ADGRL2: variants seen among roughly 807,000 people sequenced by gnomAD.
The protein encoded by ADGRL2 is adhesion G protein-coupled receptor L2, also known as calcium-independent alpha-latrotoxin receptor 2.
A neutral mutation model predicts 157.4 loss-of-function variants in ADGRL2; 44 were observed. The ratio of observed to expected loss-of-function variants is 0.28; its 90% CI spans 0.22 to 0.36. ADGRL2 has a LOEUF of 0.36. Ranked by LOEUF, ADGRL2 falls within the 10% of genes least tolerant of loss-of-function variation. ADGRL2 has a pLI of 1.00. For missense variants in ADGRL2, 1,510 were observed against 1,768.9 expected (o/e 0.85, Z 2.63); for synonymous variants, 585 against 624.7 (o/e 0.94, Z 0.95).
intron 3 of ADGRL2, among the ~76,000 whole-genome samples, chr1:81,694,582 A>G (rs1482146170): frequency 6.6e-6 from 1 of 152,138 alleles, no homozygotes; most frequent in Non-Finnish European, 1.5e-5. Flanking sequence ...TAATTAAAAC[A>G]AAAGAAGAAA....
At chr1:81,762,002 C>T (rs1013422866) in intron 2 of ADGRL2, 4 of 152,112 alleles carry the variant, frequency 2.6e-5, no homozygotes, top group African/African-American at 9.6e-5. Context: ...TAAATGGATG[C>T]TGTATTCAAA....
intron 3 of ADGRL2, among the ~76,000 whole-genome samples, chr1:81,680,540 A>G (rs780908267): frequency 3.3e-5 from 5 of 152,074 alleles, no homozygotes; most frequent in Non-Finnish European, 5.9e-5. Context: ...TGATGATCTC[A>G]TCAGACCGAT....
chr1:81,841,895 T>C (rs1012150903), intron 2 of ADGRL2, among the ~76,000 whole-genome samples: 1 of 152,192 alleles, frequency 6.6e-6, no homozygotes, highest in Non-Finnish European at 1.5e-5. Context: ...AAGAGTGTGA[T>C]AAGTGCCATA....
At chr1:81,332,535 T>C (rs1240968093) in intron 1 of ADGRL2, among the ~76,000 whole-genome samples, 5 of 152,178 alleles carry the variant, frequency 3.3e-5, no homozygotes, top group Non-Finnish European at 7.4e-5. Context: ...AAACATTAAA[T>C]TCAAACCTCC....
chr1:81,928,332 A>T (rs185845953), intron 3 of ADGRL2, among the ~76,000 whole-genome samples: 1 of 152,108 alleles, frequency 6.6e-6, no homozygotes, highest in African/African-American at 2.4e-5. Flanking sequence ...AGAATCAGGT[A>T]CGGCTGATTG....
intron 3 of ADGRL2, among the ~76,000 whole-genome samples, chr1:81,932,475 C>T (rs2095247203): frequency 5.3e-5 from 8 of 152,140 alleles, no homozygotes; most frequent in South Asian, 2.1e-4. Context: ...TTCTGTTTCA[C>T]TTGTTTTACT....
intron 1 of ADGRL2, among the ~76,000 whole-genome samples, chr1:81,357,418 T>C (rs1243160457): frequency 2.0e-5 from 3 of 152,224 alleles, no homozygotes; most frequent in Non-Finnish European, 4.4e-5. Flanking sequence ...TGCTAAGCCC[T>C]CTATATCCAC....
chr1:81,632,585 C>T (rs959543134), intron 3 of ADGRL2, among the ~76,000 whole-genome samples: 7 of 151,998 alleles, frequency 4.6e-5, no homozygotes, highest in Admixed American at 2.0e-4. Flanking sequence ...GGTGAAACCC[C>T]GTCTCTACTG....
chr1:81,748,462 C>T (rs1197998885), intron 1 of ADGRL2, among the ~76,000 whole-genome samples: 10 of 109,628 alleles, frequency 9.1e-5, no homozygotes, highest in Non-Finnish European at 1.6e-4. Flanking sequence ...AGGGAGATTC[C>T]GTCTCAAAAA....
intron 2 of ADGRL2, among the ~76,000 whole-genome samples, chr1:81,478,256 G>T (rs2078313826): frequency 1.3e-5 from 2 of 152,188 alleles, no homozygotes; most frequent in African/African-American, 4.8e-5. Context: ...AAGAGATGCA[G>T]GAATCCATGC....
chr1:81,731,281 T>A (rs780493406), intron 1 of ADGRL2, among the ~76,000 whole-genome samples: 14 of 152,304 alleles, frequency 9.2e-5, no homozygotes, highest in African/African-American at 3.4e-4. Flanking sequence ...TTCATTAAAA[T>A]TTTTTTCCCA....
At chr1:81,869,350 A>G (rs2093632690) in intron 2 of ADGRL2, among the ~76,000 whole-genome samples, 1 of 152,096 alleles carries the variant, frequency 6.6e-6, no homozygotes, top group Non-Finnish European at 1.5e-5. Flanking sequence ...AAACACGCTT[A>G]AAAAAAGAGA....
chr1:81,671,548 C>T (rs917949253), intron 3 of ADGRL2, among the ~76,000 whole-genome samples: 16 of 151,454 alleles, frequency 1.1e-4, no homozygotes, highest in Non-Finnish European at 1.8e-4. Flanking sequence ...AGTTTTGCCC[C>T]GTCGCCCAGA....
At chr1:81,469,300 T>C (rs2078122063) in intron 2 of ADGRL2, among the ~76,000 whole-genome samples, 1 of 152,168 alleles carries the variant, frequency 6.6e-6, no homozygotes, top group African/African-American at 2.4e-5. Context: ...TCCTCTCCTA[T>C]ACATGGTTTT....
At chr1:81,430,046 G>A (rs550845999) in intron 1 of ADGRL2, among the ~76,000 whole-genome samples, 5 of 151,944 alleles carry the variant, frequency 3.3e-5, no homozygotes, top group African/African-American at 1.2e-4. Flanking sequence ...GGCATGCACC[G>A]CCACGCCTGG....
intron 3 of ADGRL2, among the ~76,000 whole-genome samples, chr1:81,636,945 C>T (rs756576987): frequency 4.6e-5 from 7 of 152,152 alleles, no homozygotes; most frequent in Non-Finnish European, 7.3e-5. Flanking sequence ...AAGCAATTCT[C>T]CTGCCTCAAC....
At chr1:81,524,881 G>A (rs911876151) in intron 2 of ADGRL2, among the ~76,000 whole-genome samples, 1 of 151,912 alleles carries the variant, frequency 6.6e-6, no homozygotes, top group Admixed American at 6.6e-5. Flanking sequence ...TTCTAGCCTG[G>A]GCGACAGTGA....
intron 1 of ADGRL2, among the ~76,000 whole-genome samples, chr1:81,803,593 GT>G (rs1416237031): frequency 6.6e-6 from 1 of 151,624 alleles, no homozygotes. Flanking sequence ...GATACAAACT[GT>G]TGTCTCAGAT....
chr1:81,907,707 A>C (rs1482843149), intron 3 of ADGRL2, among the ~76,000 whole-genome samples: 1 of 152,106 alleles, frequency 6.6e-6, no homozygotes, highest in African/African-American at 2.4e-5. Flanking sequence ...CCATATCCAC[A>C]CACAGAGTGT....
Sources: gnomAD v4.1 joint callset for allele counts (sites outside exome capture counted in the v4.1 genomes callset) on GRCh38, gnomAD v4.1.1 for gene constraint, MANE v1.5 for transcripts, NCBI Gene and HGNC (gene_info 2026-07-23, HGNC 2026-07-21) for gene names.